Variants in STS observed in about 807,000 individuals in gnomAD.
STS encodes steryl-sulfatase.
Under a neutral mutation model 26.8 loss-of-function variants are expected in STS, and 7 were observed. That is an observed-to-expected ratio of 0.26 (90% CI 0.15 to 0.49). The LOEUF (loss-of-function observed/expected upper bound fraction) is 0.49. Ranked by LOEUF, STS falls within the 20% of genes least tolerant of loss-of-function variation. The pLI, the probability that STS is intolerant of heterozygous loss-of-function variation, is 0.98. For missense variants in STS, 434 were observed against 465.6 expected (o/e 0.93, Z 0.63); for synonymous variants, 199 against 189.4 (o/e 1.05, Z -0.42).
chrX:7,154,510 C>T lies in STS; in HGVS notation c.-134+6427C>T, dbSNP rs752783825. Reference sequence around the variant, plus strand: ...TAAATGATCTGTTACTTCATTGACTCGGCAACTTTGCAAGGTAAACAATGG... The same window carrying T: ...TAAATGATCTGTTACTTCATTGACTTGGCAACTTTGCAAGGTAAACAATGG... On this transcript the variant is annotated intron_variant, in intron 1 of 10. Transcript: ENST00000674429. 1.1e-4 allele frequency among the ~76,000 whole-genome samples: 12 copies of T among 112,081 alleles called. No individual in the cohort carries two copies. The South Asian group carries it at 3.3e-3, about 31-fold the overall frequency.
chrX:7,257,230 C>A lies in STS; in HGVS notation c.138-12C>A. 8.3e-7 allele frequency: 1 copy of A among 1,210,095 alleles called. No individual in the cohort carries two copies. The highest frequency in any genetic ancestry group is 1.1e-6 in the Non-Finnish European group (1 of 894,813). On this transcript the variant is annotated splice_polypyrimidine_tract_variant and intron_variant, in intron 3 of 10. Coordinates refer to ENST00000674429, the MANE Select transcript of STS (RefSeq NM_001320752.2). ...GAAAATGATCACAAATGCTATGATT[C>A]TTTTGTTCTAGGACTCCCAATATCG...
chrX:7,320,074 A>T (rs1172367224), intron 8 of STS, among the ~76,000 whole-genome samples: 1 of 93,384 alleles, frequency 1.1e-5, no homozygotes, highest in Non-Finnish European at 2.1e-5. Flanking sequence ...TTTTATATAT[A>T]TTTTATATAT....
intron 6 of STS, among the ~76,000 whole-genome samples, chrX:7,269,196 T>C (rs1924153129): frequency 1.0e-5 from 1 of 95,801 alleles, no homozygotes. Flanking sequence ...AATGAACCTC[T>C]GGTTTCGGGC....
intron 8 of STS, among the ~76,000 whole-genome samples, chrX:7,318,270 G>A (rs1158889951): frequency 1.8e-5 from 2 of 111,417 alleles, no homozygotes; most frequent in East Asian, 5.7e-4. Flanking sequence ...GATAATGTGA[G>A]TGGTGCCCGG....
chrX:7,149,483 G>A (rs1428959859), intron 1 of STS, among the ~76,000 whole-genome samples: 7 of 111,929 alleles, frequency 6.3e-5, no homozygotes, highest in African/African-American at 2.3e-4. Context: ...GGTACTATAA[G>A]AGAGCTTCCC....
chrX:7,228,871 A>G (rs1921934076), intron 2 of STS, among the ~76,000 whole-genome samples: 1 of 112,414 alleles, frequency 8.9e-6, no homozygotes, highest in South Asian at 3.7e-4. Flanking sequence ...CCTGTCTTCA[A>G]GGTCTCTGAT....
chrX:7,151,230 A>C (rs1266551834), intron 1 of STS, among the ~76,000 whole-genome samples: 1 of 111,923 alleles, frequency 8.9e-6, no homozygotes, highest in Non-Finnish European at 1.9e-5. Context: ...TTTGGTTTCC[A>C]GTCTGCTGTA....
At chrX:7,149,223 T>C (rs1380845887) in intron 1 of STS, among the ~76,000 whole-genome samples, 3 of 109,582 alleles carry the variant, frequency 2.7e-5, no homozygotes. Flanking sequence ...AGCGAGACCC[T>C]GTTCTCCACA....
At chrX:7,233,965 T>C (rs1227470142) in intron 2 of STS, among the ~76,000 whole-genome samples, 5 of 112,047 alleles carry the variant, frequency 4.5e-5, no homozygotes, top group Non-Finnish European at 9.4e-5. Context: ...ACAGCGCAGA[T>C]GCTGATATAT....
chrX:7,214,990 A>G (rs1921207173), intron 2 of STS, among the ~76,000 whole-genome samples: 1 of 77,864 alleles, frequency 1.3e-5, no homozygotes, highest in Non-Finnish European at 2.3e-5. Flanking sequence ...ACATATATAT[A>G]CGTATATATA....
chrX:7,327,464 A>G (rs945306223), intron 9 of STS, among the ~76,000 whole-genome samples: 2 of 107,512 alleles, frequency 1.9e-5, no homozygotes, highest in African/African-American at 6.8e-5. Context: ...GCTCACTGCA[A>G]CCTGCGACTC....
chrX:7,230,920 A>G (rs1410803699), intron 2 of STS, among the ~76,000 whole-genome samples: 1 of 112,217 alleles, frequency 8.9e-6, no homozygotes, highest in Non-Finnish European at 1.9e-5. Flanking sequence ...CGATATTATC[A>G]GGTGGGTGAG....
intron 9 of STS, among the ~76,000 whole-genome samples, chrX:7,330,217 C>T (rs1927682531): frequency 8.9e-6 from 1 of 111,824 alleles, no homozygotes; most frequent in African/African-American, 3.3e-5. Flanking sequence ...AAAGAAGAAT[C>T]GAATATCTAA....
intron 2 of STS, among the ~76,000 whole-genome samples, chrX:7,233,474 C>T (rs1180357567): frequency 1.8e-5 from 2 of 111,368 alleles, no homozygotes; most frequent in Admixed American, 9.6e-5. Flanking sequence ...TATGGCAGTT[C>T]TAGTTTTAGT....
At chrX:7,289,662 C>CT (rs1290969623) in intron 7 of STS, among the ~76,000 whole-genome samples, 6 of 110,903 alleles carry the variant, frequency 5.4e-5, no homozygotes, top group Admixed American at 1.9e-4. Context: ...AGGAATATGT[C>CT]TTTTTTTTCC....
chrX:7,187,789 T>C (rs1933800741), intron 1 of STS, among the ~76,000 whole-genome samples: 1 of 111,410 alleles, frequency 9.0e-6, no homozygotes, highest in South Asian at 3.8e-4. Flanking sequence ...AATCATTTGG[T>C]TTTCAGGGCT....
At chrX:7,150,496 C>G (rs1174671842) in intron 1 of STS, among the ~76,000 whole-genome samples, 2 of 111,626 alleles carry the variant, frequency 1.8e-5, no homozygotes, top group Non-Finnish European at 3.8e-5. Context: ...GCTGGAATTA[C>G]AGACGTGAGC....
chrX:7,189,013 T>G (rs1195437967), intron 1 of STS, among the ~76,000 whole-genome samples: 1 of 111,260 alleles, frequency 9.0e-6, no homozygotes, highest in African/African-American at 3.3e-5. Flanking sequence ...ATGCCATCTC[T>G]GGGGGGAAAA....
chrX:7,279,357 G>A (rs868764934), intron 7 of STS, among the ~76,000 whole-genome samples: 47 of 75,056 alleles, frequency 6.3e-4, no homozygotes, highest in African/African-American at 1.7e-3. Flanking sequence ...GTGTGTGTGT[G>A]TATATGTGTG....
Sources: allele counts gnomAD v4.1 joint callset (sites outside exome capture counted in the v4.1 genomes callset), GRCh38; gene constraint gnomAD v4.1.1; transcripts MANE v1.5; gene names NCBI Gene and HGNC (gene_info 2026-07-23, HGNC 2026-07-21).